LPIN2: variants seen among roughly 807,000 people sequenced by gnomAD.
LPIN2 encodes phosphatidate phosphatase LPIN2.
A neutral mutation model predicts 111.4 loss-of-function variants in LPIN2; 55 were observed. The observed-to-expected ratio is 0.49, with a 90% CI of 0.40 to 0.62. The LOEUF is 0.62. Among genes scored for constraint, LPIN2 ranks in the 20% least tolerant of loss-of-function variants. The pLI, the probability that LPIN2 is intolerant of heterozygous loss-of-function variation, is 0.00. For missense variants in LPIN2, 992 were observed against 1,112.1 expected, an observed-to-expected ratio of 0.89 and a Z score of 1.54; for synonymous variants, 425 against 414.0, an observed-to-expected ratio of 1.03 and a Z score of -0.32.
chr18:2,959,121 T>C (rs1164604650), intron 2 of LPIN2, among the ~76,000 whole-genome samples: 4 of 152,170 alleles, frequency 2.6e-5, no homozygotes, highest in African/African-American at 9.6e-5. Context: ...TGTTTTGCAA[T>C]GGAAAGTTTC....
intron 7 of LPIN2, among the ~76,000 whole-genome samples, chr18:2,935,562 A>T (rs2144183669): frequency 6.6e-6 from 1 of 152,318 alleles, no homozygotes; most frequent in South Asian, 2.1e-4. Context: ...CAAATGCAAC[A>T]TGTGAAACCT....
chr18:2,921,122 G>C (rs1337124841), intron 18 of LPIN2: 1 of 583,778 alleles, frequency 1.7e-6, no homozygotes, highest in Non-Finnish European at 3.0e-6. Flanking sequence ...CGCAGAAGAG[G>C]CCAGAGAGGC....
intron 4 of LPIN2, chr18:2,950,714 G>A (rs2077522277): frequency 5.6e-6 from 2 of 357,034 alleles, no homozygotes; most frequent in Non-Finnish European, 1.1e-5. Flanking sequence ...AGGCCACTGG[G>A]TAGGGAAATC....
chr18:2,964,609 A>G (rs1404617036), intron 1 of LPIN2, among the ~76,000 whole-genome samples: 1 of 152,178 alleles, frequency 6.6e-6, no homozygotes, highest in African/African-American at 2.4e-5. Flanking sequence ...TGAGAATGGT[A>G]AGAAATAAAT....
intron 1 of LPIN2, chr18:2,982,700 C>CA (rs752820578): frequency 1.5e-5 from 20 of 1,303,482 alleles, no homozygotes; most frequent in Non-Finnish European, 1.8e-5. Context: ...TCATGGTAAA[C>CA]ATCTTGAGTT....
intron 1 of LPIN2, among the ~76,000 whole-genome samples, chr18:2,981,643 T>C (rs1343752524): frequency 6.6e-6 from 1 of 152,236 alleles, no homozygotes; most frequent in African/African-American, 2.4e-5. Flanking sequence ...CATTCTATAA[T>C]ATTACAATGT....
intron 1 of LPIN2, among the ~76,000 whole-genome samples, chr18:3,010,065 G>C (rs747022875): frequency 6.6e-6 from 1 of 152,126 alleles, no homozygotes; most frequent in Non-Finnish European, 1.5e-5. Context: ...AAGTGGCCCC[G>C]GCAGGATTCT....
At chr18:2,933,745 A>C (rs563626222) in intron 8 of LPIN2, among the ~76,000 whole-genome samples, 1 of 152,322 alleles carries the variant, frequency 6.6e-6, no homozygotes, top group South Asian at 2.1e-4. Context: ...AATTCCCCTA[A>C]GAGTAGAAAT....
chr18:2,984,725 G>A (rs2078162894), intron 1 of LPIN2, among the ~76,000 whole-genome samples: 1 of 152,152 alleles, frequency 6.6e-6, no homozygotes, highest in Non-Finnish European at 1.5e-5. Flanking sequence ...TTAAATGTGA[G>A]GAAACTGAGG....
intron 7 of LPIN2, among the ~76,000 whole-genome samples, chr18:2,935,328 T>C (rs1349292899): frequency 6.6e-6 from 1 of 152,222 alleles, no homozygotes; most frequent in Non-Finnish European, 1.5e-5. Context: ...TCATATTCCA[T>C]TTCTAGTGGA....
chr18:2,935,548 A>C (rs1363232581), intron 7 of LPIN2, among the ~76,000 whole-genome samples: 1 of 152,192 alleles, frequency 6.6e-6, no homozygotes, highest in African/African-American at 2.4e-5. Flanking sequence ...AGAAACATAA[A>C]AATCAAATGC....
chr18:2,995,637 CCA>C (rs1307099377), intron 1 of LPIN2, among the ~76,000 whole-genome samples: 1 of 152,166 alleles, frequency 6.6e-6, no homozygotes, highest in African/African-American at 2.4e-5. Context: ...AGTGTCAATA[CCA>C]CATAGTCACA....
chr18:2,937,681 C>G lies in LPIN2; in HGVS notation c.1168+11G>C, dbSNP rs79439091. ...TGAGAGTACCTGGAGCCAAATTAAA[C>G]AAACGATTACCTTTCTTCTTTGACG... On this transcript the variant is annotated intron_variant, in intron 7 of 19. Coordinates refer to ENST00000677752, the MANE Select transcript of LPIN2 (RefSeq NM_001375808.2). 7,114 of 1,604,574 alleles carry G rather than the reference C, an allele frequency of 4.4e-3. 287 individuals are homozygous for G. The African/African-American group carries it at 0.086, about 19-fold the overall frequency.
intron 1 of LPIN2, among the ~76,000 whole-genome samples, chr18:2,989,802 C>G (rs2078237828): frequency 6.6e-6 from 1 of 151,954 alleles, no homozygotes; most frequent in Non-Finnish European, 1.5e-5. Context: ...CTCCTGTGGT[C>G]CCAGCCACTC....
chr18:2,950,958 A>C, intron 4 of LPIN2, 97 bp downstream of exon 4: 1 of 1,333,842 alleles, frequency 7.5e-7, no homozygotes, highest in Non-Finnish European at 1.1e-6. Flanking sequence ...AACAAGCCCA[A>C]ACCTCACACT....
intron 4 of LPIN2, 145 bp from the exon 5 acceptor site, chr18:2,940,857 G>C (rs1485064823): frequency 1.5e-6 from 1 of 667,802 alleles, no homozygotes; most frequent in Non-Finnish European, 2.7e-6. Flanking sequence ...TGAAGGAGAA[G>C]GGGGGATACA....
intron 1 of LPIN2, among the ~76,000 whole-genome samples, chr18:2,990,073 CGGA>C (rs1177253914): frequency 6.6e-6 from 1 of 152,048 alleles, no homozygotes; most frequent in Non-Finnish European, 1.5e-5. Flanking sequence ...CACTGCATGG[CGGA>C]AGGAATAGTC....
rs539256457 is a variant in LPIN2 at position 2,918,522 on chromosome 18, C to A, written c.*1771G>T. 1.3e-5 allele frequency: 2 copies of A among 152,280 alleles called. No homozygotes were observed. Among genetic ancestry groups the A allele is most frequent in the Admixed American group, 1.3e-4 (2 of 15,302 alleles). The allele number at this position is 152,280 out of a possible 1,614,324, so 9.4% of individuals were successfully genotyped here. A position where few individuals can be genotyped will look rare whatever the true frequency, so the allele number is the denominator to read the frequency against. Reference sequence around the variant, plus strand: ...TGGGAAGAACTTCATATAAACAGAACCCAGGATCCCTAACCTACTGTAGAT... The same window carrying A: ...TGGGAAGAACTTCATATAAACAGAAACCAGGATCCCTAACCTACTGTAGAT... On this transcript the variant is annotated 3_prime_UTR_variant, in exon 20 of 20. Transcript: ENST00000677752.
intron 8 of LPIN2, among the ~76,000 whole-genome samples, chr18:2,932,688 A>C (rs2077227643): frequency 6.6e-6 from 1 of 152,240 alleles, no homozygotes. Flanking sequence ...ACGTGAGCAC[A>C]TGACTGAGCC....
Sources: gnomAD v4.1 joint callset for allele counts (sites outside exome capture counted in the v4.1 genomes callset) on GRCh38, gnomAD v4.1.1 for gene constraint, MANE v1.5 for transcripts, NCBI Gene and HGNC (gene_info 2026-07-23, HGNC 2026-07-21) for gene names.